The following AMOTL1 variants were observed in gnomAD, a reference collection of about 807,000 sequenced individuals.
AMOTL1 encodes the protein angiomotin like 1, also known as angiomotin-like protein 1.
Under a neutral mutation model 102.9 loss-of-function variants are expected in AMOTL1, and 45 were observed. That is an observed-to-expected ratio of 0.44 (90% CI 0.34 to 0.56). The LOEUF is 0.56. Among genes scored for constraint, AMOTL1 ranks in the 20% least tolerant of loss-of-function variants. The pLI is 0.01. For missense variants in AMOTL1, 1,114 were observed against 1,225.6 expected (o/e 0.91, Z 1.36); for synonymous variants, 481 against 484.7 (o/e 0.99, Z 0.10).
chr11:94,786,270 T>C (rs1403358623), intron 1 of AMOTL1, among the ~76,000 whole-genome samples: 1 of 152,252 alleles, frequency 6.6e-6, no homozygotes, highest in Non-Finnish European at 1.5e-5. Context: ...ATTTTAAAAA[T>C]TATTTTTGTA....
intron 6 of AMOTL1, among the ~76,000 whole-genome samples, chr11:94,841,277 C>T: frequency 6.6e-6 from 1 of 152,046 alleles, no homozygotes; most frequent in East Asian, 1.9e-4. Context: ...CACCATGAAA[C>T]CCCATCTCTA....
At chr11:94,794,907 A>G in intron 1 of AMOTL1, 104 bp from the exon 2 acceptor site, 1 of 1,294,896 alleles carries the variant, frequency 7.7e-7, no homozygotes, top group Non-Finnish European at 1.0e-6. Context: ...CCCTCTGCCA[A>G]GTTGAAACAC....
Position 94,862,274 on chromosome 11 carries a change from A to G in AMOTL1, c.2136-2461A>G, listed in dbSNP as rs898062148. ...GTTCTTTTCAAAGAAAACCTCTGTC[A>G]TTTCAGAATTGCTTTTTTCTTTTCA... On this transcript the variant is annotated intron_variant, in intron 9 of 12. Transcript: ENST00000433060. Among the ~76,000 whole-genome samples the G allele has an allele frequency of 2.0e-5, 3 of 152,176 alleles. No homozygotes were observed. In the East Asian group the frequency reaches 5.8e-4, roughly 29 times the overall value.
chr11:94,859,530 T>C lies in AMOTL1; in HGVS notation c.1950T>C (p.His650=), dbSNP rs762837844. The C allele has an allele frequency of 3.7e-6, 6 of 1,611,284 alleles. No individual in the cohort carries two copies. The East Asian group carries it at 6.7e-5, about 18-fold the overall frequency. Reference sequence around the variant, plus strand: ...TTTTTTTTCTACTCCTTCAGAAACATGGAAATGGCCAGCCAGCCAACATGC... The same window carrying C: ...TTTTTTTTCTACTCCTTCAGAAACACGGAAATGGCCAGCCAGCCAACATGC... ...ELDALRTQQK[H]GNGQPANMPE... is the part of the protein sequence containing the mutation. Residue 650 remains histidine, a synonymous_variant, in exon 9 of 13, where the codon CAT becomes CAC. Transcript: ENST00000433060.
intron 1 of AMOTL1, among the ~76,000 whole-genome samples, chr11:94,792,132 A>G (rs980776974): frequency 6.6e-6 from 1 of 152,218 alleles, no homozygotes; most frequent in Admixed American, 6.5e-5. Flanking sequence ...ATGGAATACT[A>G]TGCAGCCATA....
intron 1 of AMOTL1, among the ~76,000 whole-genome samples, chr11:94,787,382 A>G (rs1951207286): frequency 6.6e-6 from 1 of 152,124 alleles, no homozygotes; most frequent in Non-Finnish European, 1.5e-5. Context: ...AATGTACATG[A>G]GTTACTATAA....
intron 1 of AMOTL1, among the ~76,000 whole-genome samples, chr11:94,715,955 A>C (rs991922271): frequency 6.6e-6 from 1 of 152,106 alleles, no homozygotes; most frequent in Non-Finnish European, 1.5e-5. Context: ...TTTCAGCAAC[A>C]CAGTATATTT....
chr11:94,812,844 A>C (rs1420229733), intron 3 of AMOTL1, among the ~76,000 whole-genome samples: 1 of 152,022 alleles, frequency 6.6e-6, no homozygotes, highest in Non-Finnish European at 1.5e-5. Context: ...TTTTCTGTTG[A>C]TCTCAACCAC....
upstream of AMOTL1, among the ~76,000 whole-genome samples, chr11:94,765,128 A>G (rs1301483697): frequency 6.6e-6 from 1 of 152,174 alleles, no homozygotes; most frequent in African/African-American, 2.4e-5. Context: ...GGCTGCCCCA[A>G]AGAGCACTAA....
chr11:94,820,010 C>T lies in AMOTL1; in HGVS notation c.1122-1520C>T, dbSNP rs182901616. On this transcript the variant is annotated intron_variant, in intron 3 of 12. Coordinates refer to ENST00000433060, the MANE Select transcript of AMOTL1 (RefSeq NM_130847.3). Reference sequence around the variant, plus strand: ...GGTATTTGAGCTATGAAGGGACACCCTTATGTGTTCTTTTTGACATGGCTA... The same window carrying T: ...GGTATTTGAGCTATGAAGGGACACCTTTATGTGTTCTTTTTGACATGGCTA... 6.6e-5 allele frequency among the ~76,000 whole-genome samples: 10 copies of T among 152,224 alleles called. 1 individual carries two copies. Among genetic ancestry groups the T allele is most frequent in the Admixed American group, 5.9e-4 (9 of 15,282 alleles).
chr11:94,793,328 G>A (rs1951316918), intron 1 of AMOTL1, among the ~76,000 whole-genome samples: 1 of 152,148 alleles, frequency 6.6e-6, no homozygotes, highest in Admixed American at 6.5e-5. Context: ...AAGGTGTTTT[G>A]GGGTTTAGTT....
intron 4 of AMOTL1, among the ~76,000 whole-genome samples, chr11:94,822,941 C>T (rs1592002292): frequency 2.6e-5 from 4 of 152,270 alleles, no homozygotes; most frequent in Admixed American, 6.5e-5. Context: ...AGAGTAAGTG[C>T]GGGCTCTTCC....
intron 9 of AMOTL1, among the ~76,000 whole-genome samples, chr11:94,862,731 T>G (rs1216658715): frequency 6.6e-6 from 1 of 152,260 alleles, no homozygotes; most frequent in Non-Finnish European, 1.5e-5. Flanking sequence ...TCCAGCTCCA[T>G]GTAAAGTCTC....
At chr11:94,769,299 G>T (rs946369807) in intron 1 of AMOTL1, among the ~76,000 whole-genome samples, 9 of 152,206 alleles carry the variant, frequency 5.9e-5, no homozygotes, top group Non-Finnish European at 1.0e-4. Context: ...AGGGAGAGTG[G>T]TACGTTGGCC....
At position 94,874,354 on chromosome 11, in the gene AMOTL1, T is replaced by C. The variant is rs796921351; in HGVS notation, c.*3559T>C. Reference sequence around the variant, plus strand: ...GCTGGCAGCCAGTGACACTGCAGAGTTCAGCATGTTCTAACCATGCACGCA... The same window carrying C: ...GCTGGCAGCCAGTGACACTGCAGAGCTCAGCATGTTCTAACCATGCACGCA... On this transcript the variant is annotated 3_prime_UTR_variant, in exon 13 of 13. Coordinates refer to ENST00000433060, the MANE Select transcript of AMOTL1 (RefSeq NM_130847.3). The C allele has an allele frequency of 2.0e-5, 3 of 152,278 alleles. No homozygotes were observed. Among genetic ancestry groups the C allele is most frequent in the African/African-American group, 4.8e-5 (2 of 41,532 alleles). 9.4% of individuals were successfully genotyped at this position (152,278 alleles called of 1,614,324 possible).
chr11:94,741,450 G>A (rs1260642736), intron 3 of AMOTL1, among the ~76,000 whole-genome samples: 1 of 152,168 alleles, frequency 6.6e-6, no homozygotes, highest in African/African-American at 2.4e-5. Context: ...GAAGTCAGGG[G>A]CTGAAAACGG....
At chr11:94,716,120 T>C (rs541343972) in intron 1 of AMOTL1, among the ~76,000 whole-genome samples, 1 of 152,160 alleles carries the variant, frequency 6.6e-6, no homozygotes, top group Non-Finnish European at 1.5e-5. Flanking sequence ...TGTCTTATCA[T>C]CATCACTCTA....
chr11:94,740,584 G>C (rs1424693230), intron 2 of AMOTL1, among the ~76,000 whole-genome samples: 1 of 151,414 alleles, frequency 6.6e-6, no homozygotes, highest in Non-Finnish European at 1.5e-5. Context: ...TCGGCGCCAG[G>C]CCCGGCAGAC....
intron 3 of AMOTL1, among the ~76,000 whole-genome samples, chr11:94,814,321 G>C (rs1164424202): frequency 6.6e-6 from 1 of 152,180 alleles, no homozygotes; most frequent in Non-Finnish European, 1.5e-5. Context: ...TTTTCAAAAT[G>C]GGAAATTTTC....
Sources: gnomAD v4.1 joint callset for allele counts (sites outside exome capture counted in the v4.1 genomes callset) on GRCh38, gnomAD v4.1.1 for gene constraint, MANE v1.5 for transcripts, NCBI Gene and HGNC (gene_info 2026-07-23, HGNC 2026-07-21) for gene names.